The following FBLN5 variants were observed in gnomAD, a reference collection of about 807,000 sequenced individuals.
The protein encoded by FBLN5 is fibulin 5, also known as fibulin-5.
FBLN5 carries 24 observed loss-of-function variants against 61.6 expected under a neutral mutation model. The observed-to-expected ratio is 0.39, with a 90% CI of 0.28 to 0.55. FBLN5 has a LOEUF of 0.55. Among genes scored for constraint, FBLN5 ranks in the 20% least tolerant of loss-of-function variants. FBLN5 has a pLI of 0.65. For synonymous variants in FBLN5, 213 were observed against 219.8 expected (o/e 0.97, Z 0.27); for missense variants, 470 against 594.1 (o/e 0.79, Z 2.17).
intron 3 of FBLN5, chr14:91,940,055 T>C: frequency 4.6e-6 from 2 of 437,264 alleles, no homozygotes; most frequent in South Asian, 3.3e-5. Flanking sequence ...AGGAGGCTTC[T>C]AAAAGGTAGG....
At chr14:91,942,991 C>A in intron 1 of FBLN5, 30 bp from the exon 2 acceptor site, 1 of 1,461,990 alleles carries the variant, frequency 6.8e-7, no homozygotes, top group Non-Finnish European at 9.4e-7. Flanking sequence ...AATATAAATG[C>A]CCAAGACAGA....
At chr14:91,941,062 C>T (rs1302264232) in intron 2 of FBLN5, among the ~76,000 whole-genome samples, 1 of 152,176 alleles carries the variant, frequency 6.6e-6, no homozygotes, top group Non-Finnish European at 1.5e-5. Context: ...TCTGCTGAGC[C>T]TAATGTGGCA....
At chr14:91,926,760 T>C (rs1364135698) in intron 4 of FBLN5, among the ~76,000 whole-genome samples, 1 of 145,092 alleles carries the variant, frequency 6.9e-6, no homozygotes, top group Non-Finnish European at 1.5e-5. Context: ...ATAAAGAGCT[T>C]GCAGGTACGT....
At position 91,870,364 on chromosome 14, in the gene FBLN5, T is replaced by G; in HGVS notation, c.1207A>C (p.Thr403Pro). ...TTGATGGGGCGTGTCATCACCAGGG[T>G]GGCACTGATGGGGCCCGTTTGCTAT... ...YMRQTGPISA[T>P]LVMTRPIKGP... Residue 403 changes from threonine to proline, a missense_variant, in exon 11 of 11, where the codon ACC (threonine) becomes CCC (proline). Thr to Pro is a conservative substitution (Grantham distance 38, BLOSUM62 -1). Coordinates refer to ENST00000342058, the MANE Select transcript of FBLN5 (RefSeq NM_006329.4). The G allele has an allele frequency of 6.2e-7, 1 of 1,613,954 alleles. No individual in the cohort carries two copies. Among genetic ancestry groups the G allele is most frequent in the Non-Finnish European group, 8.5e-7 (1 of 1,180,024 alleles).
chr14:91,913,141 C>A lies in FBLN5; in HGVS notation c.380-18069G>T, dbSNP rs80228603. Among the ~76,000 whole-genome samples, 1,042 of 152,150 alleles carry A rather than the reference C, an allele frequency of 6.8e-3. 2 individuals carry two copies. The highest frequency in any genetic ancestry group is 8.8e-3 in the Non-Finnish European group (599 of 68,002). ...TTAGGGAAGTCTAAGGTGTTACTAC[C>A]CTGTCATTATAAGTGATAAAAATGA... On this transcript the variant is annotated intron_variant, in intron 4 of 10. Coordinates refer to ENST00000342058, the MANE Select transcript of FBLN5 (RefSeq NM_006329.4).
chr14:91,943,033 G>A lies in FBLN5; in HGVS notation c.18-72C>T. ...TCTAGGGGAGTGTGGGTCGCATGCG[G>A]CCCGTGACGTGTAACGGTGATATCA... On this transcript the variant is annotated intron_variant, in intron 1 of 10. Transcript: ENST00000342058. The surrounding 1 kb of genome is among the most constrained non-coding windows in gnomAD (Gnocchi z 4.0). 5.1e-6 allele frequency: 5 copies of A among 981,144 alleles called. No homozygotes were observed. Among genetic ancestry groups the A allele is most frequent in the Non-Finnish European group, 8.0e-6 (5 of 626,030 alleles). 60.8% of individuals were successfully genotyped at this position (981,144 alleles called of 1,614,324 possible). A position where few individuals can be genotyped will look rare whatever the true frequency, so the allele number is the denominator to read the frequency against.
chr14:91,934,909 C>G (rs527281249), intron 4 of FBLN5, among the ~76,000 whole-genome samples: 2 of 152,304 alleles, frequency 1.3e-5, no homozygotes, highest in African/African-American at 2.4e-5. Flanking sequence ...TACTTCCCCC[C>G]ACCCCCACAA....
In FBLN5 at chr14:91,882,606, T is replaced by C. The variant is rs1490374530; in HGVS notation, c.862+348A>G. Among the ~76,000 whole-genome samples the C allele has an allele frequency of 6.6e-6, 1 of 152,224 alleles. No homozygotes were observed. Among genetic ancestry groups the C allele is most frequent in the East Asian group, 1.9e-4 (1 of 5,196 alleles). ...GAAAGCCCGGGCTCTGGCCAGGCCA[T>C]AAAAGTCCTGCTTAGCTCTGGAGCA... On this transcript the variant is annotated intron_variant, in intron 8 of 10. Transcript: ENST00000342058. This position sits in a 1 kb window ranked among gnomAD's most constrained non-coding sequence, Gnocchi z 4.9.
chr14:91,871,740 C>A (rs1382299895), intron 10 of FBLN5, among the ~76,000 whole-genome samples: 4 of 151,992 alleles, frequency 2.6e-5, no homozygotes, highest in Non-Finnish European at 5.9e-5. Context: ...GCCTGTAATC[C>A]CAGCTACTTG....
chr14:91,911,096 G>A (rs751974049), intron 4 of FBLN5, among the ~76,000 whole-genome samples: 10 of 151,808 alleles, frequency 6.6e-5, no homozygotes, highest in Non-Finnish European at 7.4e-5. Flanking sequence ...TGATTCTCCC[G>A]CCTCAGCTTC....
At chr14:91,878,577 C>T (rs2139951965) in intron 9 of FBLN5, among the ~76,000 whole-genome samples, 1 of 152,296 alleles carries the variant, frequency 6.6e-6, no homozygotes, top group South Asian at 2.1e-4. Flanking sequence ...TCCAATCTAT[C>T]CACAAAACCT....
intron 4 of FBLN5, among the ~76,000 whole-genome samples, chr14:91,911,364 A>C (rs2140007544): frequency 6.6e-6 from 1 of 152,280 alleles, no homozygotes; most frequent in East Asian, 1.9e-4. Flanking sequence ...TTGTGAAAGG[A>C]GTTGATAATG....
At position 91,881,276 on chromosome 14, in the gene FBLN5, G is replaced by A. The variant is rs747857046; in HGVS notation, c.989+16C>T. The A allele has an allele frequency of 6.2e-7, 1 of 1,613,772 alleles. No homozygotes were observed. The highest frequency in any genetic ancestry group is 8.5e-7 in the Non-Finnish European group (1 of 1,179,888). On this transcript the variant is annotated intron_variant, in intron 9 of 10. Transcript: ENST00000342058. Reference sequence around the variant, plus strand: ...CTCATCAGGTTTCTATTCCCCAGGGGGACGCCGTGACTTACTTATCACTGA... The same window carrying A: ...CTCATCAGGTTTCTATTCCCCAGGGAGACGCCGTGACTTACTTATCACTGA...
chr14:91,875,463 A>G (rs917804826), intron 10 of FBLN5, among the ~76,000 whole-genome samples: 10 of 152,326 alleles, frequency 6.6e-5, no homozygotes, highest in African/African-American at 2.4e-4. Context: ...GGTTTGGAGT[A>G]GCAGGTGACC....
At chr14:91,931,908 C>T (rs2055930934) in intron 4 of FBLN5, among the ~76,000 whole-genome samples, 1 of 152,202 alleles carries the variant, frequency 6.6e-6, no homozygotes, top group South Asian at 2.1e-4. Flanking sequence ...CCAGCTCACC[C>T]CACCCCCTGA....
intron 6 of FBLN5, among the ~76,000 whole-genome samples, chr14:91,889,184 G>A (rs1889871578): frequency 6.6e-6 from 1 of 152,346 alleles, no homozygotes; most frequent in East Asian, 1.9e-4. Context: ...GGACAGGAGG[G>A]GGTAGGAAAA....
chr14:91,898,619 G>C (rs1038490587), intron 4 of FBLN5, among the ~76,000 whole-genome samples: 1 of 151,936 alleles, frequency 6.6e-6, no homozygotes, highest in Non-Finnish European at 1.5e-5. Context: ...CTCCCTTTCC[G>C]CATCAGTGGA....
intron 7 of FBLN5, among the ~76,000 whole-genome samples, chr14:91,883,646 A>T (rs1429420173): frequency 3.5e-4 from 9 of 25,796 alleles, no homozygotes; most frequent in African/African-American, 9.2e-4. Context: ...TTCACTGTGT[A>T]AAAAAAAAAA....
chr14:91,908,817 GGTGT>G (rs1890789743), intron 4 of FBLN5, among the ~76,000 whole-genome samples: 1 of 152,044 alleles, frequency 6.6e-6, no homozygotes, highest in African/African-American at 2.4e-5. Context: ...CTAGCCCAAT[GGTGT>G]ACATAAGAGT....
Sources: gnomAD v4.1 joint callset for allele counts (sites outside exome capture counted in the v4.1 genomes callset) on GRCh38, gnomAD v4.1.1 for gene constraint, Gnocchi (gnomAD v3.1) non-coding constraint, MANE v1.5 for transcripts, NCBI Gene and HGNC (gene_info 2026-07-23, HGNC 2026-07-21) for gene names.